The following CAVIN4 variants were observed in gnomAD, a reference collection of about 807,000 sequenced individuals.
CAVIN4 encodes the protein caveolae-associated protein 4.
CAVIN4 carries 10 observed loss-of-function variants against 18.6 expected under a neutral mutation model. The ratio of observed to expected loss-of-function variants is 0.54; its 90% CI spans 0.33 to 0.91. The LOEUF is 0.91. Among genes scored for constraint, CAVIN4 ranks in the 40% least tolerant of loss-of-function variants. CAVIN4 has a pLI of 0.02. For synonymous variants in CAVIN4, 173 were observed against 164.8 expected (o/e 1.05, Z -0.38); for missense variants, 459 against 440.5 (o/e 1.04, Z -0.38).
At position 100,578,234 on chromosome 9, in the gene CAVIN4, C is replaced by G. The variant is rs1839388075; in HGVS notation, c.91C>G (p.Leu31Val). Residue 31 changes from leucine to valine, a missense_variant, in exon 1 of 2, where the codon CTT (leucine) becomes GTT (valine). By Grantham distance (32) the Leu-to-Val change is conservative (BLOSUM62 1). Coordinates refer to ENST00000307584, the MANE Select transcript of CAVIN4 (RefSeq NM_001018116.2). ...AGAAGATGAAGACCAAGACGCTGCT[C>G]TTACCATTGTGACTGTGCTGGACAA... ...VTEDEDQDAALTIVTVLDKVA... is the reference protein window; with the variant it reads ...VTEDEDQDAAVTIVTVLDKVA... 6.2e-7 allele frequency: 1 copy of G among 1,613,994 alleles called. No individual in the cohort carries two copies. The highest frequency in any genetic ancestry group is 1.3e-5 in the African/African-American group (1 of 75,032).
intron 1 of CAVIN4, among the ~76,000 whole-genome samples, chr9:100,582,920 G>A (rs571307330): frequency 3.3e-5 from 5 of 152,216 alleles, no homozygotes; most frequent in Admixed American, 1.3e-4. Flanking sequence ...CCAACTTAGT[G>A]TGAATATTCA....
intron 1 of CAVIN4, among the ~76,000 whole-genome samples, chr9:100,579,003 A>C (rs1178780138): frequency 1.3e-5 from 2 of 152,226 alleles, no homozygotes; most frequent in East Asian, 3.8e-4. Context: ...GAGCCTGGAA[A>C]GGCCTAAACA....
chr9:100,579,724 G>C (rs1839408266), intron 1 of CAVIN4, among the ~76,000 whole-genome samples: 1 of 152,106 alleles, frequency 6.6e-6, no homozygotes, highest in Non-Finnish European at 1.5e-5. Context: ...TTTTAAAAAT[G>C]AGTACTTATG....
Position 100,578,313 on chromosome 9 carries a change from GAC to G in CAVIN4, c.174_175del (p.His58GlnfsTer13), listed in dbSNP as rs1564032349. 4 of 1,614,066 alleles carry G rather than the reference GAC, an allele frequency of 2.5e-6. No homozygotes were observed. Among genetic ancestry groups the G allele is most frequent in the Non-Finnish European group, 3.4e-6 (4 of 1,179,976 alleles). On this transcript the variant is annotated frameshift_variant, in exon 1 of 2. Coordinates refer to ENST00000307584, the MANE Select transcript of CAVIN4 (RefSeq NM_001018116.2). LOFTEE classifies it high-confidence loss of function. ...GCAAGCCAGAAGAGAATAGAAGAGAGACACAGGGAAATGGAAAATGCCATAAA... is the reference window on the plus strand; with the variant it reads ...GCAAGCCAGAAGAGAATAGAAGAGAGACAGGGAAATGGAAAATGCCATAAA...
intron 1 of CAVIN4, 63 bp from the exon 2 acceptor site, chr9:100,585,702 G>A (rs1323371276): frequency 7.7e-7 from 1 of 1,301,450 alleles, no homozygotes; most frequent in East Asian, 2.3e-5. Context: ...TGGCCAGAAG[G>A]TAAAAGAGCT....
chr9:100,583,656 CATTT>C (rs1402568238), intron 1 of CAVIN4, among the ~76,000 whole-genome samples: 75 of 110,048 alleles, frequency 6.8e-4, no homozygotes, highest in African/African-American at 2.5e-3. Flanking sequence ...TTCATTCATT[CATTT>C]TTTTTAGACA....
intron 1 of CAVIN4, among the ~76,000 whole-genome samples, chr9:100,584,185 G>C (rs1839454272): frequency 6.6e-6 from 1 of 152,164 alleles, no homozygotes; most frequent in Admixed American, 6.5e-5. Flanking sequence ...TCTGACCACT[G>C]TAGTTCAAAC....
Position 100,586,354 on chromosome 9 carries a change from A to C in CAVIN4, c.998A>C (p.Glu333Ala). The change falls in exon 2 of 2, where the codon GAA becomes GCA. Residue 333 changes from glutamate to alanine, a missense_variant. Transcript: ENST00000307584. ...RPVYPPHEGR[E>A]IPTPEPLKVT... ...GTGTATCCTCCCCATGAAGGAAGGGAAATCCCCACCCCCGAGCCTTTAAAA... is the reference window on the plus strand; with the variant it reads ...GTGTATCCTCCCCATGAAGGAAGGGCAATCCCCACCCCCGAGCCTTTAAAA... 3 of 1,614,106 alleles carry C rather than the reference A, an allele frequency of 1.9e-6. No homozygotes were observed. Among genetic ancestry groups the C allele is most frequent in the Middle Eastern group, 1.6e-4 (1 of 6,062 alleles).
In CAVIN4 at chr9:100,586,168, T is replaced by A. The variant is rs1457437534; in HGVS notation, c.812T>A (p.Met271Lys). ...NAAPSKEAFKMRSLRKGKDRT... is the reference protein window; with the variant it reads ...NAAPSKEAFKKRSLRKGKDRT... Reference sequence around the variant, plus strand: ...GCTCCCTCAAAGGAAGCTTTTAAGATGCGCAGCCTCAGGAAAGGTAAGGAC... The same window carrying A: ...GCTCCCTCAAAGGAAGCTTTTAAGAAGCGCAGCCTCAGGAAAGGTAAGGAC... Residue 271 changes from methionine to lysine, a missense_variant, in exon 2 of 2, where the codon ATG becomes AAG. Met to Lys is a moderately conservative substitution (Grantham distance 95). Coordinates refer to ENST00000307584, the MANE Select transcript of CAVIN4 (RefSeq NM_001018116.2). 1 of 1,563,146 alleles carries A rather than the reference T, an allele frequency of 6.4e-7. No individual in the cohort carries two copies. The highest frequency in any genetic ancestry group is 8.6e-7 in the Non-Finnish European group (1 of 1,157,772).
rs1349887814 is a variant in CAVIN4 at position 100,578,102 on chromosome 9, A to C, written c.-42A>C. On this transcript the variant is annotated 5_prime_UTR_variant, in exon 1 of 2. Coordinates refer to ENST00000307584, the MANE Select transcript of CAVIN4 (RefSeq NM_001018116.2). Reference sequence around the variant, plus strand: ...CTGACTTTTTGCTCCAAGTGCCAGAATTGATTGTGGTTAGGACATCTTACG... The same window carrying C: ...CTGACTTTTTGCTCCAAGTGCCAGACTTGATTGTGGTTAGGACATCTTACG... The C allele has an allele frequency of 6.2e-7, 1 of 1,609,032 alleles. No homozygotes were observed. Among genetic ancestry groups the C allele is most frequent in the African/African-American group, 1.3e-5 (1 of 74,956 alleles).
In CAVIN4 at chr9:100,586,553, TG is replaced by T. The variant is rs1033625118; in HGVS notation, c.*103del. The T allele has an allele frequency of 6.4e-6, 5 of 775,450 alleles. No individual in the cohort carries two copies. The highest frequency in any genetic ancestry group is 3.0e-5 in the Admixed American group (1 of 32,808). 48.0% of individuals were successfully genotyped at this position (775,450 alleles called of 1,614,324 possible). On this transcript the variant is annotated 3_prime_UTR_variant, in exon 2 of 2. Coordinates refer to ENST00000307584, the MANE Select transcript of CAVIN4 (RefSeq NM_001018116.2). ...TCTGTGCCATGTAGGAAAACATAAA[TG>T]TATTTTTTTTCTTATATTTAAAATC... is the stretch of plus-strand genomic sequence containing the variant.
chr9:100,588,018 C>T lies in CAVIN4; in HGVS notation c.*1567C>T, dbSNP rs765850646. 5 of 152,202 alleles carry T rather than the reference C, an allele frequency of 3.3e-5. No homozygotes were observed. The highest frequency in any genetic ancestry group is 4.8e-5 in the African/African-American group (2 of 41,460). 9.4% of individuals were successfully genotyped at this position (152,202 alleles called of 1,614,324 possible). On this transcript the variant is annotated 3_prime_UTR_variant, in exon 2 of 2. Transcript: ENST00000307584. ...TGTTGAATTTGAAGAGTTGGGACAA[C>T]GATCAGCTATCCCACTTTTTTTCTC...
At chr9:100,584,605 G>T (rs184255813) in intron 1 of CAVIN4, among the ~76,000 whole-genome samples, 3 of 152,218 alleles carry the variant, frequency 2.0e-5, no homozygotes, top group African/African-American at 7.2e-5. Context: ...ATAAACAGAG[G>T]TATGTATGTG....
At chr9:100,581,260 A>C (rs1006337154) in intron 1 of CAVIN4, 5 of 152,308 alleles carry the variant, frequency 3.3e-5, no homozygotes, top group African/African-American at 9.7e-5. Flanking sequence ...CGGCTTCGAG[A>C]GGGACACACA....
chr9:100,579,223 G>A (rs1248164174), intron 1 of CAVIN4, among the ~76,000 whole-genome samples: 1 of 152,096 alleles, frequency 6.6e-6, no homozygotes, highest in Non-Finnish European at 1.5e-5. Context: ...GTGTGGCATT[G>A]TGTATTGAGC....
At position 100,579,964 on chromosome 9, in the gene CAVIN4, T is replaced by A. The variant is rs188181152; in HGVS notation, c.408+1413T>A. Among the ~76,000 whole-genome samples the A allele has an allele frequency of 6.1e-3, 921 of 152,110 alleles. 7 individuals carry two copies. The highest frequency in any genetic ancestry group is 8.2e-3 in the Non-Finnish European group (558 of 68,006). ...GAGCCTGTAGGTTATTTAGGAAAAG[T>A]AATAGGAGAGTGAAGAGTTGCTTAT... On this transcript the variant is annotated intron_variant, in intron 1 of 1. Coordinates refer to ENST00000307584, the MANE Select transcript of CAVIN4 (RefSeq NM_001018116.2).
At position 100,578,155 on chromosome 9, in the gene CAVIN4, T is replaced by G; in HGVS notation, c.12T>G (p.Asn4Lys). The G allele has an allele frequency of 1.2e-6, 2 of 1,613,930 alleles. No individual in the cohort carries two copies. The highest frequency in any genetic ancestry group is 1.7e-6 in the Non-Finnish European group (2 of 1,179,882). ...GAGAAATAAATAAAATGGAACATAATGGGTCTGCTTCAAATGCTGATAAAA... is the reference window on the plus strand; with the variant it reads ...GAGAAATAAATAAAATGGAACATAAGGGGTCTGCTTCAAATGCTGATAAAA... MEH[N>K]GSASNADKIH... is the part of the protein sequence containing the mutation. Residue 4 changes from asparagine (N) to lysine (K), a missense_variant, in exon 1 of 2, where the codon AAT becomes AAG. Transcript: ENST00000307584.
At position 100,588,024 on chromosome 9, in the gene CAVIN4, G is replaced by C. The variant is rs1322229430; in HGVS notation, c.*1573G>C. The C allele has an allele frequency of 1.3e-5, 2 of 152,232 alleles. No homozygotes were observed. The highest frequency in any genetic ancestry group is 4.8e-5 in the African/African-American group (2 of 41,460). The allele number at this position is 152,232 out of a possible 1,614,324, so 9.4% of individuals were successfully genotyped here. On this transcript the variant is annotated 3_prime_UTR_variant, in exon 2 of 2. Transcript: ENST00000307584. ...ATTTGAAGAGTTGGGACAACGATCAGCTATCCCACTTTTTTTCTCACTTTC... is the reference window on the plus strand; with the variant it reads ...ATTTGAAGAGTTGGGACAACGATCACCTATCCCACTTTTTTTCTCACTTTC...
rs1181177522 is a variant in CAVIN4, at chr9:100,586,665, A to C, written c.*214A>C. Reference sequence around the variant, plus strand: ...CCTTTCTCTTGTCCACCAGAAAAATAGTTTCCTAGGTTGGGCCAGTTACGT... The same window carrying C: ...CCTTTCTCTTGTCCACCAGAAAAATCGTTTCCTAGGTTGGGCCAGTTACGT... On this transcript the variant is annotated 3_prime_UTR_variant, in exon 2 of 2. Transcript: ENST00000307584. 2 of 406,370 alleles carry C rather than the reference A, an allele frequency of 4.9e-6. No homozygotes were observed. The highest frequency in any genetic ancestry group is 8.6e-6 in the Non-Finnish European group (2 of 232,252). 25.2% of individuals were successfully genotyped at this position (406,370 alleles called of 1,614,324 possible). A position where few individuals can be genotyped will look rare whatever the true frequency, so the allele number is the denominator to read the frequency against.
Sources: allele counts gnomAD v4.1 joint callset (sites outside exome capture counted in the v4.1 genomes callset), GRCh38; gene constraint gnomAD v4.1.1; transcripts MANE v1.5; gene names NCBI Gene and HGNC (gene_info 2026-07-23, HGNC 2026-07-21).